Variants in TEX14 observed in about 807,000 individuals in gnomAD.
TEX14 encodes the protein inactive serine/threonine-protein kinase TEX14.
A neutral mutation model predicts 178.6 loss-of-function variants in TEX14; 168 were observed. That is an observed-to-expected ratio of 0.94 (90% CI 0.83 to 1.07). The LOEUF (loss-of-function observed/expected upper bound fraction) is 1.07, where lower values mean the gene tolerates loss of function less well. Among genes scored for constraint, TEX14 ranks in the 50% least tolerant of loss-of-function variants. The pLI, the probability that TEX14 is intolerant of heterozygous loss-of-function variation, is 0.00. For missense variants in TEX14, 1,730 were observed against 1,753.6 expected, an observed-to-expected ratio of 0.99 and a Z score of 0.24; for synonymous variants, 626 against 634.1, an observed-to-expected ratio of 0.99 and a Z score of 0.19.
intron 1 of TEX14, among the ~76,000 whole-genome samples, chr17:58,668,751 C>T (rs1041906797): frequency 1.9e-4 from 29 of 152,084 alleles, no homozygotes; most frequent in African/African-American, 6.8e-4. Flanking sequence ...ATCTGGATCA[C>T]CCAGAAAGCA....
chr17:58,672,737 C>G (rs1433562076), intron 1 of TEX14, among the ~76,000 whole-genome samples: 1 of 151,164 alleles, frequency 6.6e-6, no homozygotes, highest in Non-Finnish European at 1.5e-5. Context: ...TCCTTTTTTT[C>G]TTTGTTTGTT....
intron 1 of TEX14, among the ~76,000 whole-genome samples, chr17:58,677,356 T>C (rs1007951497): frequency 1.3e-5 from 2 of 152,144 alleles, no homozygotes; most frequent in South Asian, 4.1e-4. Flanking sequence ...AGCCAACATA[T>C]ATGTGGTACT....
rs118011296 is a variant in TEX14 at position 58,658,974 on chromosome 17, C to T, written c.-1-6972G>A. Among the ~76,000 whole-genome samples, 959 of 151,988 alleles carry T rather than the reference C, an allele frequency of 6.3e-3. 3 individuals carry two copies. The highest frequency in any genetic ancestry group is 8.3e-3 in the Non-Finnish European group (562 of 67,998). ...CATCAGTCTGGCTTATTTTTCCACC[C>T]TTCCTAGAAACGGTATAAAATACTT... On this transcript the variant is annotated intron_variant, in intron 1 of 31. Coordinates refer to ENST00000349033, the MANE Select transcript of TEX14 (RefSeq NM_031272.5).
At chr17:58,644,592 G>A (rs1416610055) in intron 2 of TEX14, among the ~76,000 whole-genome samples, 10 of 148,866 alleles carry the variant, frequency 6.7e-5, no homozygotes, top group Non-Finnish European at 1.2e-4. Context: ...CACCCACCTC[G>A]GCCTCTCAAA....
chr17:58,579,758 G>T (rs1226260621), intron 19 of TEX14, 27 bp from the exon 20 acceptor site: 1 of 1,584,028 alleles, frequency 6.3e-7, no homozygotes, highest in Non-Finnish European at 8.7e-7. Flanking sequence ...GAAAAGCAAA[G>T]AAAGGAGGTT....
chr17:58,632,539 T>G (rs1375500604), intron 2 of TEX14, among the ~76,000 whole-genome samples: 2 of 152,176 alleles, frequency 1.3e-5, no homozygotes, highest in African/African-American at 4.8e-5. Context: ...TGGTTTAAGC[T>G]TCAGTAGCTT....
chr17:58,591,378 C>A (rs1164705723), intron 15 of TEX14, among the ~76,000 whole-genome samples: 1 of 152,026 alleles, frequency 6.6e-6, no homozygotes, highest in Non-Finnish European at 1.5e-5. Context: ...ATTAACCAGG[C>A]CTGGTGGTGC....
At position 58,572,776 on chromosome 17, in the gene TEX14, T is replaced by C. The variant is rs1466677726; in HGVS notation, c.3511+405A>G. ...GGTGATTTTTTAAACCACAAATATA[T>C]TGGAAGTAAGGCCACTAAAGAGAGG... On this transcript the variant is annotated intron_variant, in intron 23 of 31. Transcript: ENST00000349033. Among the ~76,000 whole-genome samples the C allele has an allele frequency of 5.3e-5, 8 of 152,288 alleles. 1 individual carries two copies. In the East Asian group the frequency reaches 1.5e-3, roughly 29 times the overall value.
chr17:58,607,354 G>A (rs978633802), intron 10 of TEX14, among the ~76,000 whole-genome samples: 4 of 152,094 alleles, frequency 2.6e-5, no homozygotes, highest in African/African-American at 9.7e-5. Context: ...GCCAGTTGTT[G>A]ACCCCAGCAA....
intron 1 of TEX14, among the ~76,000 whole-genome samples, chr17:58,658,889 T>C (rs182989002): frequency 6.6e-6 from 1 of 152,128 alleles, no homozygotes; most frequent in Non-Finnish European, 1.5e-5. Flanking sequence ...TAAGTCTCCA[T>C]CTGGGATCAA....
rs389389 is a variant in TEX14 at position 58,599,007 on chromosome 17, T to C, written c.2338A>G (p.Asn780Asp). 299,478 of 1,613,722 alleles carry C rather than the reference T, an allele frequency of 0.19. 30,092 individuals are homozygous for C. Among genetic ancestry groups the C allele is most frequent in the Non-Finnish European group, 0.21 (248,407 of 1,179,774 alleles). ...ACGGCCAGAGGTAACTTGTAGGCAT[T>C]TGTAAACTCTCTTGAAGTGGCCCAT... ...SLWATSREFT[N>D]AYKLPLAVGP... Residue 780 changes from asparagine (N) to aspartate (D), a missense_variant, in exon 14 of 32, where the codon AAT becomes GAT. By Grantham distance (23) the Asn-to-Asp change is conservative (BLOSUM62 1). Around this residue, in one of 2 missense-constraint regions of TEX14, gnomAD observed 941 missense variants for 1,072.4 expected, o/e 0.88. Coordinates refer to ENST00000349033, the MANE Select transcript of TEX14 (RefSeq NM_031272.5).
At chr17:58,631,624 A>T (rs567636131) in intron 2 of TEX14, 3 of 151,826 alleles carry the variant, frequency 2.0e-5, no homozygotes, top group Non-Finnish European at 4.4e-5. Flanking sequence ...AACATCTGAA[A>T]AAAAAAAAAA....
rs141683264 is a variant in TEX14, at chr17:58,666,458, C to CAAAAAA, written c.-1-14462_-1-14457dup. Reference sequence around the variant, plus strand: ...ACAAAGTGAAACAAACCTTCCACGGCAAAAAAAAAAAAAAAAAAAAAAAAA... The same window carrying CAAAAAA: ...ACAAAGTGAAACAAACCTTCCACGGCAAAAAAAAAAAAAAAAAAAAAAAAAAAAAAA... On this transcript the variant is annotated intron_variant, in intron 1 of 31. Transcript: ENST00000349033. 51 of 36,838 alleles carry CAAAAAA rather than the reference C, an allele frequency of 1.4e-3. 1 individual carries two copies. The highest frequency in any genetic ancestry group is 3.7e-3 in the East Asian group (3 of 800). 2.3% of individuals were successfully genotyped at this position (36,838 alleles called of 1,614,324 possible). A position where few individuals can be genotyped will look rare whatever the true frequency, so the allele number is the denominator to read the frequency against.
At chr17:58,592,390 A>G (rs150454583) in intron 15 of TEX14, among the ~76,000 whole-genome samples, 6,308 of 150,216 alleles carry the variant, frequency 0.042, 179 homozygotes, top group Non-Finnish European at 0.059. Context: ...GCTGGACTGC[A>G]GTGGCGCGAT....
Position 58,565,736 on chromosome 17 carries a change from A to G in TEX14, c.3964+11T>C. On this transcript the variant is annotated intron_variant, in intron 27 of 31. Transcript: ENST00000349033. Reference sequence around the variant, plus strand: ...AGAACCTGATGAAAACAATCTAGGTAGTTCACTTACCATTTGCAGTGCCTC... The same window carrying G: ...AGAACCTGATGAAAACAATCTAGGTGGTTCACTTACCATTTGCAGTGCCTC... 1.3e-6 allele frequency: 2 copies of G among 1,592,534 alleles called. No individual in the cohort carries two copies. Among genetic ancestry groups the G allele is most frequent in the Non-Finnish European group, 1.7e-6 (2 of 1,163,954 alleles).
chr17:58,564,718 A>T (rs957920634), intron 28 of TEX14, 151 bp downstream of exon 28: 10 of 443,484 alleles, frequency 2.3e-5, no homozygotes, highest in East Asian at 7.2e-5. Flanking sequence ...AACGCTTTTT[A>T]AAAAAGTAAC....
At chr17:58,661,504 A>G (rs943653000) in intron 1 of TEX14, 2 of 780,678 alleles carry the variant, frequency 2.6e-6, no homozygotes, top group Non-Finnish European at 4.8e-6. Context: ...CGGTGGGTTC[A>G]GTCGCTCCTT....
At chr17:58,607,767 C>T (rs2045644058) in intron 10 of TEX14, among the ~76,000 whole-genome samples, 1 of 152,222 alleles carries the variant, frequency 6.6e-6, no homozygotes, top group Admixed American at 6.5e-5. Flanking sequence ...AACACATAGC[C>T]AGAGAGGTCA....
At position 58,678,043 on chromosome 17, in the gene TEX14, G is replaced by A. The variant is rs559105794; in HGVS notation, c.-2+13896C>T. ...CGGGTGCCTGTAAGCCCAGCTATTC[G>A]GGAGGCTGAGGCAGGAGAATTGCTT... On this transcript the variant is annotated intron_variant, in intron 1 of 31. Transcript: ENST00000349033. Among the ~76,000 whole-genome samples, 9 of 152,258 alleles carry A rather than the reference G, an allele frequency of 5.9e-5. No individual in the cohort carries two copies. The South Asian group carries it at 1.0e-3, about 18-fold the overall frequency.
Sources: allele counts gnomAD v4.1 joint callset (sites outside exome capture counted in the v4.1 genomes callset), GRCh38; gene constraint gnomAD v4.1.1; regional missense constraint gnomAD v4.1.1; transcripts MANE v1.5; gene names NCBI Gene and HGNC (gene_info 2026-07-23, HGNC 2026-07-21).